The following ATRNL1 variants were observed in gnomAD, a reference collection of about 807,000 sequenced individuals.
ATRNL1 encodes attractin like 1.
In ATRNL1, 95 loss-of-function variants were observed where a neutral mutation model predicts 182.7. The observed-to-expected ratio is 0.52, with a 90% confidence interval of 0.44 to 0.62. The LOEUF (loss-of-function observed/expected upper bound fraction) is 0.62, where lower values mean the gene tolerates loss of function less well. Among genes scored for constraint, ATRNL1 ranks in the 20% least tolerant of loss-of-function variants. The probability of loss-of-function intolerance (pLI) is 0.00; values close to 1 mark genes in which losing one functional copy is unlikely to be tolerated. For synonymous variants in ATRNL1, 576 were observed against 568.3 expected, an observed-to-expected ratio of 1.01 and a Z score of -0.19; for missense variants, 1,471 against 1,679.5, an observed-to-expected ratio of 0.88 and a Z score of 2.17.
chr10:115,631,220 T>C (rs566523180), intron 26 of ATRNL1, among the ~76,000 whole-genome samples: 1 of 152,178 alleles, frequency 6.6e-6, no homozygotes, highest in South Asian at 2.1e-4. Context: ...AGATCCTAAA[T>C]ATTCCCACCA....
At chr10:115,251,148 T>C (rs1056929667) in intron 10 of ATRNL1, among the ~76,000 whole-genome samples, 10 of 152,194 alleles carry the variant, frequency 6.6e-5, no homozygotes, top group Non-Finnish European at 1.5e-4. Context: ...GTGTCTGCTA[T>C]CCTTTAAGCT....
intron 8 of ATRNL1, among the ~76,000 whole-genome samples, chr10:115,175,868 ATAAT>A: frequency 6.6e-6 from 1 of 152,206 alleles, no homozygotes; most frequent in African/African-American, 2.4e-5. Flanking sequence ...TGCTGTCAGA[ATAAT>A]TAAATTCACC....
intron 26 of ATRNL1, among the ~76,000 whole-genome samples, chr10:115,669,670 T>C (rs925380106): frequency 6.6e-6 from 1 of 152,124 alleles, no homozygotes; most frequent in Non-Finnish European, 1.5e-5. Context: ...TGCTAAGCAA[T>C]AAATCATGTA....
At chr10:115,551,800 A>G (rs1477774553) in intron 26 of ATRNL1, among the ~76,000 whole-genome samples, 7 of 151,496 alleles carry the variant, frequency 4.6e-5, no homozygotes, top group Admixed American at 1.3e-4. Context: ...AGTAATTTTA[A>G]TATTACAATT....
At chr10:115,535,717 T>G (rs542666706) in intron 25 of ATRNL1, among the ~76,000 whole-genome samples, 6 of 152,206 alleles carry the variant, frequency 3.9e-5, no homozygotes, top group African/African-American at 1.4e-4. Flanking sequence ...TTCTGCTCTG[T>G]TTTTTCCCCA....
intron 19 of ATRNL1, among the ~76,000 whole-genome samples, chr10:115,389,540 GTA>G (rs58155967): frequency 0.018 from 799 of 44,366 alleles, 63 homozygotes; most frequent in East Asian, 0.037. Flanking sequence ...ATGTGTATGT[GTA>G]TATATATATA....
chr10:115,154,225 T>C (rs1171289263), intron 5 of ATRNL1, among the ~76,000 whole-genome samples: 14 of 151,914 alleles, frequency 9.2e-5, no homozygotes, highest in African/African-American at 3.4e-4. Context: ...GTCTATTAGG[T>C]CCGCTTGGTG....
chr10:115,301,145 A>G (rs190649469), intron 16 of ATRNL1, among the ~76,000 whole-genome samples: 89 of 152,282 alleles, frequency 5.8e-4, no homozygotes, highest in African/African-American at 2.1e-3. Flanking sequence ...TCATTTATCA[A>G]TGGATACTTG....
intron 9 of ATRNL1, among the ~76,000 whole-genome samples, chr10:115,223,911 G>GTATATATA (rs782032076): frequency 1.7e-5 from 1 of 58,040 alleles, no homozygotes; most frequent in African/African-American, 7.1e-5. Context: ...GTGTGTGTGT[G>GTATATATA]TGTATATATA....
chr10:115,093,936 G>C lies in ATRNL1; in HGVS notation c.186G>C (p.Pro62=), dbSNP rs782371112. The C allele has an allele frequency of 3.1e-6, 5 of 1,596,514 alleles. No individual in the cohort carries two copies. In the South Asian group the frequency reaches 5.6e-5, roughly 18 times the overall value. ...ALYAQVSQSK[P]CERTGSCFSG... ...ACGCGCAGGTGTCCCAGTCCAAGCCGTGCGAGAGGACCGGCTCCTGCTTCT... is the reference window on the plus strand; with the variant it reads ...ACGCGCAGGTGTCCCAGTCCAAGCCCTGCGAGAGGACCGGCTCCTGCTTCT... The change falls in exon 1 of 29, where the codon CCG becomes CCC. Residue 62 remains proline (P), a synonymous_variant. Coordinates refer to ENST00000355044, the MANE Select transcript of ATRNL1 (RefSeq NM_207303.4). The surrounding 1 kb of genome is among the most constrained non-coding windows in gnomAD (Gnocchi z 6.1).
chr10:115,804,857 C>A (rs1949882757), intron 27 of ATRNL1, among the ~76,000 whole-genome samples: 1 of 152,102 alleles, frequency 6.6e-6, no homozygotes, highest in Non-Finnish European at 1.5e-5. Context: ...TTCTTTATAA[C>A]TTCTTGGGAA....
chr10:115,212,216 GTTTAACA>G (rs755406936), intron 8 of ATRNL1, among the ~76,000 whole-genome samples: 1 of 150,798 alleles, frequency 6.6e-6, no homozygotes. Context: ...CTGTCCTCAA[GTTTAACA>G]ATTCTTTCCT....
At chr10:115,772,260 C>G (rs1202943310) in intron 27 of ATRNL1, among the ~76,000 whole-genome samples, 2 of 152,130 alleles carry the variant, frequency 1.3e-5, no homozygotes, top group Non-Finnish European at 2.9e-5. Context: ...CACACTGTGG[C>G]TGGTGCTTTT....
intron 21 of ATRNL1, among the ~76,000 whole-genome samples, chr10:115,448,854 CCAA>C (rs3981286): frequency 0.037 from 5,593 of 150,066 alleles, 161 homozygotes; most frequent in African/African-American, 0.081. Context: ...AGCGTGCCAA[CCAA>C]CAACAACAAC....
intron 9 of ATRNL1, among the ~76,000 whole-genome samples, chr10:115,218,431 G>C (rs191359566): frequency 3.9e-5 from 6 of 152,268 alleles, no homozygotes; most frequent in Non-Finnish European, 8.8e-5. Context: ...TGTCATTTGC[G>C]ATCTCATGCA....
chr10:115,850,224 T>C (rs975071215), intron 28 of ATRNL1, among the ~76,000 whole-genome samples: 8 of 152,190 alleles, frequency 5.3e-5, no homozygotes, highest in African/African-American at 1.9e-4. Context: ...GTGCTAGGAA[T>C]ACTGATATTC....
At chr10:115,302,726 A>G (rs1456112285) in intron 17 of ATRNL1, among the ~76,000 whole-genome samples, 1 of 152,182 alleles carries the variant, frequency 6.6e-6, no homozygotes, top group African/African-American at 2.4e-5. Flanking sequence ...ACTGGGTACT[A>G]TGTGGTGAGA....
intron 27 of ATRNL1, among the ~76,000 whole-genome samples, chr10:115,815,307 A>G (rs1385316261): frequency 6.6e-6 from 1 of 152,088 alleles, no homozygotes; most frequent in Non-Finnish European, 1.5e-5. Flanking sequence ...TAATAGACCT[A>G]TTCTGTTCAT....
intron 28 of ATRNL1, among the ~76,000 whole-genome samples, chr10:115,884,522 A>G (rs185177729): frequency 6.6e-6 from 1 of 152,360 alleles, no homozygotes; most frequent in East Asian, 1.9e-4. Flanking sequence ...CATTGAGAAC[A>G]AATTGCATGT....
Sources: gnomAD v4.1 joint callset for allele counts (sites outside exome capture counted in the v4.1 genomes callset) on GRCh38, gnomAD v4.1.1 for gene constraint, Gnocchi (gnomAD v3.1) non-coding constraint, MANE v1.5 for transcripts, NCBI Gene and HGNC (gene_info 2026-07-23, HGNC 2026-07-21) for gene names.